TLE2: variants seen among roughly 807,000 people sequenced by gnomAD.
The protein encoded by TLE2 is TLE family member 2, transcriptional corepressor.
Under a neutral mutation model 97.2 loss-of-function variants are expected in TLE2, and 74 were observed. The ratio of observed to expected loss-of-function variants is 0.76; its 90% confidence interval spans 0.63 to 0.92. TLE2 has a LOEUF of 0.92. TLE2 is among the 40% of genes least tolerant of loss of function. TLE2 has a pLI of 0.00. For synonymous variants in TLE2, 499 were observed against 432.1 expected (o/e 1.15, Z -1.92); for missense variants, 1,038 against 1,008.7 (o/e 1.03, Z -0.39).
chr19:2,998,327 G>C (rs1378025206), intron 19 of TLE2, among the ~76,000 whole-genome samples: 2 of 149,040 alleles, frequency 1.3e-5, no homozygotes, highest in Non-Finnish European at 3.0e-5. Context: ...GCCCAGGCTA[G>C]AGTGCAATGG....
rs1285223537 is a variant in TLE2, at chr19:3,028,452, GGATCTCCCCCTCCCGACTTCCTTACA to G, written c.123-96_123-71del. The G allele has an allele frequency of 6.8e-6, 10 of 1,463,176 alleles. No homozygotes were observed. In the East Asian group the frequency reaches 1.9e-4, roughly 29 times the overall value. 90.6% of individuals were successfully genotyped at this position (1,463,176 alleles called of 1,614,324 possible). On this transcript the variant is annotated intron_variant, in intron 2 of 19. Transcript: ENST00000262953. ...GGGCCGGCTTCCAAAGTGAGAGGCT[GGATCTCCCCCTCCCGACTTCCTTACA>G]GACCTCCCCCCACCTCCTGTCCCAG...
In TLE2 at chr19:3,002,352, C is replaced by T; in HGVS notation, c.2047+1G>A. 6.2e-7 allele frequency: 1 copy of T among 1,610,738 alleles called. No individual in the cohort carries two copies. The highest frequency in any genetic ancestry group is 8.5e-7 in the Non-Finnish European group (1 of 1,178,160). On this transcript the variant is annotated splice_donor_variant, in intron 18 of 19. Coordinates refer to ENST00000262953, the MANE Select transcript of TLE2 (RefSeq NM_003260.5). LOFTEE classifies it high-confidence loss of function. ...GTGCCACCCCGCCCCAGAAGACACA[C>T]CGCAGGAGGCAAACTTCAGGGACAG...
chr19:3,013,418 T>C (rs915343367), intron 11 of TLE2, among the ~76,000 whole-genome samples: 3 of 151,974 alleles, frequency 2.0e-5, no homozygotes, highest in African/African-American at 4.8e-5. Context: ...CTGCTTTCCA[T>C]GTAAGGTAGT....
At chr19:3,014,666 A>AC in intron 9 of TLE2, 52 bp from the exon 10 acceptor site, 1 of 1,500,388 alleles carries the variant, frequency 6.7e-7, no homozygotes, top group Non-Finnish European at 9.0e-7. Flanking sequence ...CTGCCTCCAC[A>AC]CCCCCTATCC....
At chr19:3,004,651 G>C (rs1425291621) in intron 17 of TLE2, among the ~76,000 whole-genome samples, 1 of 151,158 alleles carries the variant, frequency 6.6e-6, no homozygotes, top group Non-Finnish European at 1.5e-5. Context: ...TTCGGAGTTA[G>C]GAGTTAGCTC....
At chr19:3,030,323 C>A (rs991020795), upstream of TLE2, among the ~76,000 whole-genome samples, 1 of 152,232 alleles carries the variant, frequency 6.6e-6, no homozygotes, top group African/African-American at 2.4e-5. Context: ...AAGGCTCCAG[C>A]CCCGACCAGA....
At chr19:3,042,604 C>T (rs947593220) in intron 1 of TLE2, among the ~76,000 whole-genome samples, 1 of 148,824 alleles carries the variant, frequency 6.7e-6, no homozygotes, top group African/African-American at 2.5e-5. Context: ...AAGAGGGAGA[C>T]GAGACCATCA....
rs796339147 is a variant in TLE2 at position 2,998,275 on chromosome 19, G to GTGTGTGTGTGTGTGTGTA, written c.2125-321_2125-320insTACACACACACACACACA. On this transcript the variant is annotated intron_variant, in intron 19 of 19. Transcript: ENST00000262953. The stretch of plus-strand genomic sequence containing the variant: ...TGTGTGTGTGTGTGTGTGTGTGTGT[G>GTGTGTGTGTGTGTGTGTA]TAATTTTTTTTTTTTTTTGTGAGAC... 3.7e-3 allele frequency among the ~76,000 whole-genome samples: 407 copies of GTGTGTGTGTGTGTGTGTA among 110,318 alleles called. 7 individuals are homozygous for GTGTGTGTGTGTGTGTGTA. The highest frequency in any genetic ancestry group is 0.01 in the African/African-American group (366 of 35,758). The allele number at this position is 110,318 out of a possible 152,430, so 72.4% of individuals were successfully genotyped here. A position where few individuals can be genotyped will look rare whatever the true frequency, so the allele number is the denominator to read the frequency against.
At position 3,000,671 on chromosome 19, in the gene TLE2, C is replaced by A; in HGVS notation, c.2100G>T (p.Thr700=). The change falls in exon 19 of 20, where the codon ACG becomes ACT. Residue 700 remains threonine, a synonymous_variant. Transcript: ENST00000262953. The part of the protein sequence containing the change: ...GKDNLLNAWR[T]PYGASIFQSK... ...CCTGGAAAATGCTGGCCCCGTACGGCGTCCTCCAGGCGTTGAGCAGGTTGT... is the reference window on the plus strand; with the variant it reads ...CCTGGAAAATGCTGGCCCCGTACGGAGTCCTCCAGGCGTTGAGCAGGTTGT... 1 of 1,592,892 alleles carries A rather than the reference C, an allele frequency of 6.3e-7. No homozygotes were observed. Among genetic ancestry groups the A allele is most frequent in the South Asian group, 1.1e-5 (1 of 87,378 alleles).
intron 19 of TLE2, among the ~76,000 whole-genome samples, chr19:2,999,277 G>A (rs114320132): frequency 0.068 from 10,269 of 151,392 alleles, 1,056 homozygotes; most frequent in African/African-American, 0.23. Flanking sequence ...GAAGGACTCC[G>A]TGTCAAAAAA....
intron 4 of TLE2, among the ~76,000 whole-genome samples, chr19:3,026,349 G>A (rs1303795541): frequency 6.6e-6 from 1 of 151,654 alleles, no homozygotes; most frequent in Non-Finnish European, 1.5e-5. Context: ...TCGGGAGGCT[G>A]AGGCAGGAGA....
At chr19:3,011,327 AG>A in intron 11 of TLE2, among the ~76,000 whole-genome samples, 167 bp from the exon 12 acceptor site, 1 of 152,192 alleles carries the variant, frequency 6.6e-6, no homozygotes, top group Middle Eastern at 3.4e-3. Context: ...CAGGAGTTCG[AG>A]ACCAGCCTGG....
At chr19:3,024,923 G>A (rs1174122203) in intron 5 of TLE2, 97 bp downstream of exon 5, 8 of 1,065,410 alleles carry the variant, frequency 7.5e-6, no homozygotes, top group Admixed American at 4.5e-5. Flanking sequence ...AGGCTACGCG[G>A]CAGAATCAGT....
At chr19:3,028,618 C>G in intron 2 of TLE2, 88 bp downstream of exon 2, 6 of 1,468,618 alleles carry the variant, frequency 4.1e-6, no homozygotes, top group Non-Finnish European at 5.7e-6. Context: ...CAACCGGGAG[C>G]CCCTCCTCCC....
intron 1 of TLE2, among the ~76,000 whole-genome samples, chr19:3,042,611 A>T (rs979010790): frequency 6.7e-6 from 1 of 150,192 alleles, no homozygotes; most frequent in Non-Finnish European, 1.5e-5. Flanking sequence ...AGACGAGACC[A>T]TCAGAGACCC....
chr19:3,009,491 C>G, intron 13 of TLE2, 51 bp downstream of exon 13: 1 of 1,531,334 alleles, frequency 6.5e-7, no homozygotes. Flanking sequence ...CTCCCGGCCC[C>G]CAGCCCCTGG....
intron 4 of TLE2, chr19:3,025,490 T>G: frequency 9.9e-7 from 1 of 1,013,176 alleles, no homozygotes; most frequent in Non-Finnish European, 1.2e-6. Flanking sequence ...AGCCCCGGCT[T>G]GGCCCACGTC....
Position 3,011,081 on chromosome 19 carries a change from C to G in TLE2, c.953G>C (p.Ser318Thr). Reference protein sequence around the residue: ...PPQDASTPGPSSASHLCQLAA... With the variant: ...PPQDASTPGPTSASHLCQLAA... ...AAGCTGGCAGAGGTGACTGGCCGAG[C>G]TGGGCCCGGGGGTGGAAGCGTCCTG... The change falls in exon 12 of 20, where the codon AGC becomes ACC. Residue 318 changes from serine (S) to threonine (T), a missense_variant. By Grantham distance (58) the Ser-to-Thr change is moderately conservative. Transcript: ENST00000262953. 1 of 1,609,710 alleles carries G rather than the reference C, an allele frequency of 6.2e-7. No homozygotes were observed. The highest frequency in any genetic ancestry group is 8.5e-7 in the Non-Finnish European group (1 of 1,178,784).
intron 14 of TLE2, among the ~76,000 whole-genome samples, chr19:3,008,350 G>A (rs934061293): frequency 6.6e-6 from 1 of 152,168 alleles, no homozygotes; most frequent in African/African-American, 2.4e-5. Context: ...ACAACCACAC[G>A]TGTCCCCCGA....
Sources: gnomAD v4.1 joint callset for allele counts (sites outside exome capture counted in the v4.1 genomes callset) on GRCh38, gnomAD v4.1.1 for gene constraint, MANE v1.5 for transcripts, NCBI Gene and HGNC (gene_info 2026-07-23, HGNC 2026-07-21) for gene names.